The following RNF216 variants were observed in gnomAD, a reference collection of about 807,000 sequenced individuals.
The protein encoded by RNF216 is ring finger protein 216, also known as E3 ubiquitin-protein ligase RNF216.
In RNF216, 72 loss-of-function variants were observed where a neutral mutation model predicts 110.8. The observed-to-expected ratio is 0.65, with a 90% confidence interval of 0.54 to 0.79. RNF216 has a LOEUF of 0.79. Among genes scored for constraint, RNF216 ranks in the 30% least tolerant of loss-of-function variants. The pLI, the probability that RNF216 is intolerant of heterozygous loss-of-function variation, is 0.00. For synonymous variants in RNF216, 495 were observed against 407.5 expected, an observed-to-expected ratio of 1.21 and a Z score of -2.59; for missense variants, 1,342 against 1,141.2, an observed-to-expected ratio of 1.18 and a Z score of -2.54.
chr7:5,660,265 CT>C (rs66617363), intron 13 of RNF216, among the ~76,000 whole-genome samples: 2 of 33,650 alleles, frequency 5.9e-5, no homozygotes, highest in Admixed American at 3.9e-4. Flanking sequence ...GTTTTAAATT[CT>C]TTTTTTTTTT....
At chr7:5,661,073 G>A (rs1201187792) in intron 13 of RNF216, among the ~76,000 whole-genome samples, 1 of 150,024 alleles carries the variant, frequency 6.7e-6, no homozygotes, top group African/African-American at 2.5e-5. Context: ...CCAAGTAGCT[G>A]GAATTACAGG....
chr7:5,642,216 TG>T (rs1318342351), intron 14 of RNF216, among the ~76,000 whole-genome samples: 2 of 150,368 alleles, frequency 1.3e-5, no homozygotes, highest in African/African-American at 2.5e-5. Context: ...GGTTCTGTTT[TG>T]TTTTTTTTTT....
intron 14 of RNF216, among the ~76,000 whole-genome samples, chr7:5,648,108 A>ATT (rs111579094): frequency 0.057 from 8,236 of 143,852 alleles, 744 homozygotes; most frequent in African/African-American, 0.2. Flanking sequence ...CTTTAGCTCT[A>ATT]TTTTTTTTTT....
At chr7:5,652,013 A>AT (rs1186737647) in intron 14 of RNF216, among the ~76,000 whole-genome samples, 2 of 152,186 alleles carry the variant, frequency 1.3e-5, no homozygotes, top group Non-Finnish European at 2.9e-5. Flanking sequence ...AATGGTTATT[A>AT]TTATCACAGG....
At chr7:5,774,418 G>C (rs981705556) in intron 1 of RNF216, among the ~76,000 whole-genome samples, 1 of 151,972 alleles carries the variant, frequency 6.6e-6, no homozygotes. Context: ...CAGCATAGGC[G>C]GCAGAGGGAG....
rs765799854 is a variant in RNF216 at position 5,740,967 on chromosome 7, A to C, written c.1044+6T>G. 1.9e-6 allele frequency: 3 copies of C among 1,582,676 alleles called. No individual in the cohort carries two copies. In the South Asian group the frequency reaches 3.5e-5, roughly 19 times the overall value. On this transcript the variant is annotated splice_donor_region_variant and intron_variant, in intron 4 of 16. Coordinates refer to ENST00000389902, the MANE Select transcript of RNF216 (RefSeq NM_207111.4). ...GTCTACATTTACTTGATAAAATAAA[A>C]CTTACCGTTTCTTTCACTAGTAGTT...
intron 13 of RNF216, among the ~76,000 whole-genome samples, chr7:5,695,807 G>T (rs1273947895): frequency 6.6e-6 from 1 of 152,146 alleles, no homozygotes; most frequent in Non-Finnish European, 1.5e-5. Context: ...GCCTGTAAAC[G>T]GATGTGTTTA....
In RNF216 at chr7:5,741,613, A is replaced by T; in HGVS notation, c.404T>A (p.Leu135Gln). 6.2e-7 allele frequency: 1 copy of T among 1,614,204 alleles called. No homozygotes were observed. The part of the protein sequence containing the change: ...DDSEDDYGEF[L>Q]DLGPPGISEF... ...AGAGATTCCAGGAGGCCCAAGATCC[A>T]GAAATTCACCGTAGTCATCCTCAGA... Residue 135 changes from leucine (L) to glutamine (Q), a missense_variant, in exon 4 of 17, where the codon CTG becomes CAG. Coordinates refer to ENST00000389902, the MANE Select transcript of RNF216 (RefSeq NM_207111.4).
intron 1 of RNF216, among the ~76,000 whole-genome samples, chr7:5,764,534 G>T (rs1796099792): frequency 6.6e-6 from 1 of 151,956 alleles, no homozygotes; most frequent in Non-Finnish European, 1.5e-5. Context: ...TGTAATCCCA[G>T]CTATTCAGGA....
chr7:5,747,745 T>C (rs1362900485), intron 3 of RNF216, among the ~76,000 whole-genome samples: 1 of 11,018 alleles, frequency 9.1e-5, no homozygotes, highest in African/African-American at 3.7e-4. Flanking sequence ...AGACTCCATC[T>C]CAAAAAAAAA....
At chr7:5,650,344 C>T (rs55841950) in intron 14 of RNF216, among the ~76,000 whole-genome samples, 2,481 of 152,262 alleles carry the variant, frequency 0.016, 62 homozygotes, top group African/African-American at 0.058. Flanking sequence ...CAGACCAAGA[C>T]GCTGAGCGGA....
Position 5,690,750 on chromosome 7 carries a change from G to A in RNF216, c.2061+21011C>T, listed in dbSNP as rs189950306. 4.0e-3 allele frequency among the ~76,000 whole-genome samples: 568 copies of A among 143,190 alleles called. 2 individuals are homozygous for A. Among genetic ancestry groups the A allele is most frequent in the African/African-American group, 0.014 (550 of 38,660 alleles). 93.9% of individuals were successfully genotyped at this position (143,190 alleles called of 152,430 possible). On this transcript the variant is annotated intron_variant, in intron 13 of 16. Transcript: ENST00000389902. ...GAAGATCTCGCCCTTCTCTGCTGATGCTCCTGCAATACAGCCCACACTAGA... is the reference window on the plus strand; with the variant it reads ...GAAGATCTCGCCCTTCTCTGCTGATACTCCTGCAATACAGCCCACACTAGA...
At chr7:5,736,699 C>G (rs896656193) in intron 5 of RNF216, among the ~76,000 whole-genome samples, 19 of 151,972 alleles carry the variant, frequency 1.3e-4, no homozygotes, top group African/African-American at 4.6e-4. Context: ...GGCCACCCAT[C>G]ATCTGAGACG....
In RNF216 at chr7:5,740,898, T is replaced by A; in HGVS notation, c.1044+75A>T. On this transcript the variant is annotated intron_variant, in intron 4 of 16. Coordinates refer to ENST00000389902, the MANE Select transcript of RNF216 (RefSeq NM_207111.4). The stretch of plus-strand genomic sequence containing the variant: ...TCCACGCATACCAACAACTTTTTTT[T>A]TTGCAATGAAAAAAAAAAAAGAAAA... 7.0e-6 allele frequency: 10 copies of A among 1,436,376 alleles called. No individual in the cohort carries two copies. In the South Asian group the frequency reaches 1.4e-4, roughly 21 times the overall value. The allele number at this position is 1,436,376 out of a possible 1,614,324, so 89.0% of individuals were successfully genotyped here.
chr7:5,723,105 T>C (rs1455683009), intron 8 of RNF216, among the ~76,000 whole-genome samples: 5 of 152,158 alleles, frequency 3.3e-5, no homozygotes, highest in Non-Finnish European at 5.9e-5. Context: ...GTGCTTCACT[T>C]TTTTTCTATA....
At chr7:5,762,775 T>A (rs779467639) in intron 1 of RNF216, among the ~76,000 whole-genome samples, 1 of 152,130 alleles carries the variant, frequency 6.6e-6, no homozygotes, top group Non-Finnish European at 1.5e-5. Context: ...AGTGACTATT[T>A]CTGGGTAAGG....
At chr7:5,764,343 C>G (rs1382275539) in intron 1 of RNF216, among the ~76,000 whole-genome samples, 1 of 151,424 alleles carries the variant, frequency 6.6e-6, no homozygotes, top group African/African-American at 2.4e-5. Context: ...AGAGGTAAAA[C>G]AAAGATAAAA....
chr7:5,651,906 C>A (rs1788415700), intron 14 of RNF216, among the ~76,000 whole-genome samples: 1 of 152,214 alleles, frequency 6.6e-6, no homozygotes. Flanking sequence ...CTCGGCCTCC[C>A]AAAGTGCTGG....
intron 1 of RNF216, among the ~76,000 whole-genome samples, chr7:5,780,823 G>T (rs1393442081): frequency 1.3e-5 from 2 of 152,204 alleles, no homozygotes; most frequent in South Asian, 4.1e-4. Context: ...TGTCGGATTT[G>T]TCAGAAATTT....
Sources: gnomAD v4.1 joint callset for allele counts (sites outside exome capture counted in the v4.1 genomes callset) on GRCh38, gnomAD v4.1.1 for gene constraint, MANE v1.5 for transcripts, NCBI Gene and HGNC (gene_info 2026-07-23, HGNC 2026-07-21) for gene names.